AGAP1: variants seen among roughly 807,000 people sequenced by gnomAD.
AGAP1 encodes ArfGAP with GTPase domain, ankyrin repeat and PH domain 1.
In AGAP1, 29 loss-of-function variants were observed where a neutral mutation model predicts 105.3. That is an observed-to-expected ratio of 0.28 (90% CI 0.21 to 0.38). The LOEUF (loss-of-function observed/expected upper bound fraction) is 0.38, where lower values mean the gene tolerates loss of function less well. Among genes scored for constraint, AGAP1 ranks in the 10% least tolerant of loss-of-function variants. The pLI is 1.00. For synonymous variants in AGAP1, 509 were observed against 485.9 expected, an observed-to-expected ratio of 1.05 and a Z score of -0.63; for missense variants, 998 against 1,165.1, an observed-to-expected ratio of 0.86 and a Z score of 2.09.
intron 1 of AGAP1, among the ~76,000 whole-genome samples, chr2:235,526,704 T>G (rs1312566434): frequency 6.6e-6 from 1 of 152,170 alleles, no homozygotes; most frequent in East Asian, 1.9e-4. Context: ...GAGATACTGA[T>G]GAGGACCTGA....
At position 235,973,997 on chromosome 2, in the gene AGAP1, G is replaced by A. The variant is rs1223265219; in HGVS notation, c.1645+5374G>A. On this transcript the variant is annotated intron_variant, in intron 13 of 17. Transcript: ENST00000304032. This position sits in a 1 kb window ranked among gnomAD's most constrained non-coding sequence, Gnocchi z 4.7. ...CTTTCTGGGCATCTTCATATCTCGG[G>A]TCCAGTAGTGAGGTTGTCATTGCTA... Among the ~76,000 whole-genome samples, 1 of 152,184 alleles carries A rather than the reference G, an allele frequency of 6.6e-6. No homozygotes were observed.
At position 236,105,428 on chromosome 2, in the gene AGAP1, G is replaced by C. The variant is rs1370967696; in HGVS notation, c.2115-14764G>C. Among the ~76,000 whole-genome samples, 1 of 152,138 alleles carries C rather than the reference G, an allele frequency of 6.6e-6. No homozygotes were observed. Among genetic ancestry groups the C allele is most frequent in the African/African-American group, 2.4e-5 (1 of 41,426 alleles). ...TATTCCTCACACTTCTGAGGAATGG[G>C]AAGTCCAAGGTCAAGGTGTTGGCTG... On this transcript the variant is annotated intron_variant, in intron 16 of 17. Transcript: ENST00000304032. This position sits in a 1 kb window ranked among gnomAD's most constrained non-coding sequence, Gnocchi z 4.2.
intron 13 of AGAP1, among the ~76,000 whole-genome samples, chr2:235,985,267 G>C (rs2125425951): frequency 6.6e-6 from 1 of 152,298 alleles, no homozygotes; most frequent in East Asian, 1.9e-4. Flanking sequence ...AGAAATGTCT[G>C]TTCATATCCT....
intron 9 of AGAP1, among the ~76,000 whole-genome samples, chr2:235,836,980 TG>T (rs1013416123): frequency 6.9e-6 from 1 of 145,238 alleles, no homozygotes; most frequent in Admixed American, 6.7e-5. Flanking sequence ...TTTGTTGGGT[TG>T]GGGGGGTTGT....
chr2:236,005,970 T>G lies in AGAP1; in HGVS notation c.1646-30591T>G, dbSNP rs2056308702. Among the ~76,000 whole-genome samples the G allele has an allele frequency of 6.6e-6, 1 of 152,096 alleles. No individual in the cohort carries two copies. Among genetic ancestry groups the G allele is most frequent in the South Asian group, 2.1e-4 (1 of 4,824 alleles). The stretch of plus-strand genomic sequence containing the variant: ...AGGAAGTCACTGTGCACTTAAGGAG[T>G]TGGGCGTTAGACCCCCTGTCCTTGA... On this transcript the variant is annotated intron_variant, in intron 13 of 17. Transcript: ENST00000304032. This position sits in a 1 kb window ranked among gnomAD's most constrained non-coding sequence, Gnocchi z 4.1.
At chr2:235,916,788 C>A (rs957434526) in intron 11 of AGAP1, among the ~76,000 whole-genome samples, 1 of 152,208 alleles carries the variant, frequency 6.6e-6, no homozygotes, top group Non-Finnish European at 1.5e-5. Context: ...AAATTATGTT[C>A]TTGAATTAAT....
At chr2:235,810,643 G>A (rs13412266) in intron 9 of AGAP1, among the ~76,000 whole-genome samples, 42,894 of 152,054 alleles carry the variant, frequency 0.28, 6,368 homozygotes, top group Admixed American at 0.41. Context: ...CCCCACCTCA[G>A]TGTGGGAGCT....
chr2:235,956,580 G>C (rs58846324), intron 12 of AGAP1, among the ~76,000 whole-genome samples: 6,539 of 152,322 alleles, frequency 0.043, 456 homozygotes, highest in African/African-American at 0.15. Context: ...TGCAAAGAAA[G>C]TGACAGGAAC....
chr2:235,747,658 A>G lies in AGAP1; in HGVS notation c.539-2696A>G, dbSNP rs1241682541. Among the ~76,000 whole-genome samples, 2 of 152,198 alleles carry G rather than the reference A, an allele frequency of 1.3e-5. No individual in the cohort carries two copies. Among genetic ancestry groups the G allele is most frequent in the Non-Finnish European group, 2.9e-5 (2 of 68,026 alleles). ...GAAAGCCTGATGGCAGGAAGCTGGC[A>G]TGCACGTGGGCTCTGAGGGTCCCTG... On this transcript the variant is annotated intron_variant, in intron 5 of 17. Transcript: ENST00000304032. The surrounding 1 kb of genome is among the most constrained non-coding windows in gnomAD (Gnocchi z 5.0).
intron 16 of AGAP1, among the ~76,000 whole-genome samples, chr2:236,070,270 C>T (rs1351945971): frequency 6.6e-6 from 1 of 152,164 alleles, no homozygotes; most frequent in Non-Finnish European, 1.5e-5. Context: ...TTAGGGGCAG[C>T]GTCCGGACAC....
At chr2:235,545,322 G>T (rs940729972) in intron 1 of AGAP1, among the ~76,000 whole-genome samples, 1 of 152,190 alleles carries the variant, frequency 6.6e-6, no homozygotes, top group Non-Finnish European at 1.5e-5. Flanking sequence ...TGAGTATTTA[G>T]CCCTGGAAAG....
intron 11 of AGAP1, among the ~76,000 whole-genome samples, chr2:235,914,497 T>C (rs562216958): frequency 6.6e-5 from 10 of 151,440 alleles, no homozygotes; most frequent in Non-Finnish European, 1.5e-4. Context: ...AGAAAATACC[T>C]GGAGGGGCTC....
chr2:235,984,665 G>A (rs1278045999), intron 13 of AGAP1, among the ~76,000 whole-genome samples: 9 of 151,852 alleles, frequency 5.9e-5, no homozygotes, highest in Admixed American at 1.3e-4. Context: ...ATGTGTTCTC[G>A]ATGTTCAATT....
At chr2:235,980,369 G>A (rs962104493) in intron 13 of AGAP1, among the ~76,000 whole-genome samples, 25 of 152,156 alleles carry the variant, frequency 1.6e-4, no homozygotes, top group Non-Finnish European at 7.3e-5. Flanking sequence ...TTGCTTAATA[G>A]CAAAACTGCA....
At chr2:235,948,827 G>T (rs550408285) in intron 12 of AGAP1, among the ~76,000 whole-genome samples, 98 of 152,258 alleles carry the variant, frequency 6.4e-4, no homozygotes, top group Admixed American at 1.9e-3. Flanking sequence ...GAAAATGACA[G>T]GTGTACGGGA....
chr2:235,899,287 C>T lies in AGAP1; in HGVS notation c.1156-9451C>T, dbSNP rs151039721. Among the ~76,000 whole-genome samples, 28 of 152,196 alleles carry T rather than the reference C, an allele frequency of 1.8e-4. No individual in the cohort carries two copies. In the South Asian group the frequency reaches 5.0e-3, roughly 27 times the overall value. Reference sequence around the variant, plus strand: ...CAGCACTTTGGGAGGCTGAGGCAGGCGGATCACTTGAGATCAGGCGTTCAA... The same window carrying T: ...CAGCACTTTGGGAGGCTGAGGCAGGTGGATCACTTGAGATCAGGCGTTCAA... On this transcript the variant is annotated intron_variant, in intron 10 of 17. Transcript: ENST00000304032.
chr2:235,677,797 C>G (rs1358855314), intron 1 of AGAP1, among the ~76,000 whole-genome samples: 1 of 151,582 alleles, frequency 6.6e-6, no homozygotes, highest in African/African-American at 2.4e-5. Context: ...CTCCTGCCCT[C>G]TCTGACTCCT....
rs1386802972 is a variant in AGAP1 at position 235,882,265 on chromosome 2, A to G, written c.1051-1080A>G. 14 of 546,360 alleles carry G rather than the reference A, an allele frequency of 2.6e-5. No homozygotes were observed. Among genetic ancestry groups the G allele is most frequent in the Non-Finnish European group, 4.3e-5 (13 of 298,996 alleles). 33.8% of individuals were successfully genotyped at this position (546,360 alleles called of 1,614,324 possible). ...TCGGTGCAGAGTGCCCAGGTTCACA[A>G]TGCAGCTTGTGGCTCGTGTCCATCT... On this transcript the variant is annotated intron_variant, in intron 9 of 17. Coordinates refer to ENST00000304032, the MANE Select transcript of AGAP1 (RefSeq NM_001037131.3). The surrounding 1 kb of genome is among the most constrained non-coding windows in gnomAD (Gnocchi z 4.6).
In AGAP1 at chr2:235,931,305, T is replaced by C. The variant is rs1031434285; in HGVS notation, c.1483+382T>C. Among the ~76,000 whole-genome samples, 1 of 152,150 alleles carries C rather than the reference T, an allele frequency of 6.6e-6. No individual in the cohort carries two copies. Among genetic ancestry groups the C allele is most frequent in the Non-Finnish European group, 1.5e-5 (1 of 68,026 alleles). ...CCCTACGTGGCGTGGCCCACACTCTTCCACCACTAGTGCACATTTTATATC... is the reference window on the plus strand; with the variant it reads ...CCCTACGTGGCGTGGCCCACACTCTCCCACCACTAGTGCACATTTTATATC... On this transcript the variant is annotated intron_variant, in intron 12 of 17. Transcript: ENST00000304032. The surrounding 1 kb of genome is among the most constrained non-coding windows in gnomAD (Gnocchi z 5.6).
Sources: allele counts gnomAD v4.1 joint callset (sites outside exome capture counted in the v4.1 genomes callset), GRCh38; gene constraint gnomAD v4.1.1; non-coding constraint Gnocchi (gnomAD v3.1); transcripts MANE v1.5; gene names NCBI Gene and HGNC (gene_info 2026-07-23, HGNC 2026-07-21).